The following PLPPR1 variants were observed in gnomAD, a reference collection of about 807,000 sequenced individuals.
PLPPR1 encodes phospholipid phosphatase-related protein type 1.
In PLPPR1, 10 loss-of-function variants were observed where a neutral mutation model predicts 33.1. The ratio of observed to expected loss-of-function variants is 0.30; its 90% CI spans 0.19 to 0.51. PLPPR1 has a LOEUF of 0.51. Among genes scored for constraint, PLPPR1 ranks in the 20% least tolerant of loss-of-function variants. The pLI is 0.97. For synonymous variants in PLPPR1, 151 were observed against 151.0 expected (o/e 1.00, Z 0.00); for missense variants, 304 against 408.1 (o/e 0.74, Z 2.20).
intron 1 of PLPPR1, among the ~76,000 whole-genome samples, chr9:101,030,500 A>T (rs1195547979): frequency 6.6e-6 from 1 of 151,686 alleles, no homozygotes; most frequent in Non-Finnish European, 1.5e-5. Context: ...GCATACTTAC[A>T]AATTAGTTGT....
At chr9:101,113,987 GATAA>G (rs1481667942) in intron 1 of PLPPR1, among the ~76,000 whole-genome samples, 1 of 152,104 alleles carries the variant, frequency 6.6e-6, no homozygotes, top group Non-Finnish European at 1.5e-5. Flanking sequence ...AGGAAGCACA[GATAA>G]GGAAGGAGGG....
intron 1 of PLPPR1, among the ~76,000 whole-genome samples, chr9:101,143,260 A>G (rs1831476944): frequency 6.6e-6 from 1 of 152,168 alleles, no homozygotes; most frequent in Non-Finnish European, 1.5e-5. Flanking sequence ...AATCATCTAG[A>G]GAGATTACCA....
chr9:101,253,386 A>G (rs1034240292), intron 2 of PLPPR1, among the ~76,000 whole-genome samples: 7 of 152,024 alleles, frequency 4.6e-5, no homozygotes, highest in African/African-American at 1.2e-4. Context: ...CATCTCTACT[A>G]AAAATACAAA....
chr9:101,065,160 T>C (rs1830396052), intron 1 of PLPPR1, among the ~76,000 whole-genome samples: 1 of 152,090 alleles, frequency 6.6e-6, no homozygotes, highest in African/African-American at 2.4e-5. Flanking sequence ...GGACTTATTA[T>C]TACCAGGCTT....
chr9:101,214,621 C>G (rs2118773226), intron 2 of PLPPR1, among the ~76,000 whole-genome samples: 1 of 152,312 alleles, frequency 6.6e-6, no homozygotes, highest in South Asian at 2.1e-4. Flanking sequence ...TTAATTCTAT[C>G]AGCATTATTC....
intron 1 of PLPPR1, among the ~76,000 whole-genome samples, chr9:101,126,977 T>C (rs1831253077): frequency 1.3e-5 from 2 of 152,132 alleles, no homozygotes; most frequent in Admixed American, 1.3e-4. Flanking sequence ...TTTATCCAAC[T>C]CCATAGTCCC....
chr9:101,150,240 T>G (rs1831564850), intron 1 of PLPPR1, among the ~76,000 whole-genome samples: 1 of 152,182 alleles, frequency 6.6e-6, no homozygotes, highest in Admixed American at 6.5e-5. Context: ...TTGAGATTTA[T>G]TTGTAGAATC....
At chr9:101,267,826 T>G (rs1246347285) in intron 2 of PLPPR1, among the ~76,000 whole-genome samples, 1 of 152,230 alleles carries the variant, frequency 6.6e-6, no homozygotes, top group Non-Finnish European at 1.5e-5. Context: ...TCTCCTCTTT[T>G]GATGCCTTTC....
At position 101,216,746 on chromosome 9, in the gene PLPPR1, G is replaced by A. The variant is rs1028116197; in HGVS notation, c.63+31189G>A. ...ATTTGGGGCCAGATAATTTTTTATT[G>A]TGGATGCTGTCCTGTGCATTGTAAC... On this transcript the variant is annotated intron_variant, in intron 2 of 7. Coordinates refer to ENST00000374874, the MANE Select transcript of PLPPR1 (RefSeq NM_207299.2). Among the ~76,000 whole-genome samples the A allele has an allele frequency of 3.9e-5, 6 of 152,118 alleles. No individual in the cohort carries two copies. In the East Asian group the frequency reaches 9.6e-4, roughly 24 times the overall value.
At chr9:101,200,501 G>A (rs1390771425) in intron 2 of PLPPR1, among the ~76,000 whole-genome samples, 2 of 152,230 alleles carry the variant, frequency 1.3e-5, no homozygotes, top group African/African-American at 2.4e-5. Context: ...AAAACTAGGT[G>A]ATACGATTTG....
chr9:101,217,284 TA>T (rs1826819008), intron 2 of PLPPR1, among the ~76,000 whole-genome samples: 2 of 152,148 alleles, frequency 1.3e-5, no homozygotes, highest in Admixed American at 1.3e-4. Flanking sequence ...ATGTCATAAT[TA>T]AAAAGGGAAA....
chr9:101,036,160 G>T (rs1172268124), intron 1 of PLPPR1, among the ~76,000 whole-genome samples: 1 of 152,114 alleles, frequency 6.6e-6, no homozygotes, highest in Non-Finnish European at 1.5e-5. Flanking sequence ...CAATGCAGGT[G>T]CCTCACTCAT....
chr9:101,094,729 C>G (rs566307727), intron 1 of PLPPR1, among the ~76,000 whole-genome samples: 1 of 152,292 alleles, frequency 6.6e-6, no homozygotes, highest in South Asian at 2.1e-4. Context: ...TGAATGCATA[C>G]AGCCAGGTGA....
intron 1 of PLPPR1, among the ~76,000 whole-genome samples, chr9:101,140,030 C>T (rs574244555): frequency 1.3e-4 from 20 of 152,260 alleles, no homozygotes; most frequent in African/African-American, 4.3e-4. Flanking sequence ...AATTGCCATT[C>T]GATGGAGTTA....
intron 1 of PLPPR1, among the ~76,000 whole-genome samples, chr9:101,127,427 A>C (rs997319133): frequency 1.3e-5 from 2 of 152,258 alleles, no homozygotes; most frequent in Non-Finnish European, 2.9e-5. Flanking sequence ...CTGGGAGCCC[A>C]TGCTATTTAT....
At chr9:101,111,525 G>A (rs1370992419) in intron 1 of PLPPR1, among the ~76,000 whole-genome samples, 1 of 152,128 alleles carries the variant, frequency 6.6e-6, no homozygotes, top group Non-Finnish European at 1.5e-5. Context: ...GTATTTTCCT[G>A]TTATACCTAT....
intron 3 of PLPPR1, 128 bp downstream of exon 3, chr9:101,270,196 C>A: frequency 2.2e-6 from 2 of 926,162 alleles, no homozygotes; most frequent in Non-Finnish European, 1.7e-6. Flanking sequence ...CCTATTTCAG[C>A]CAAAACAGAG....
intron 3 of PLPPR1, among the ~76,000 whole-genome samples, chr9:101,274,276 C>G (rs1828149902): frequency 6.6e-6 from 1 of 152,150 alleles, no homozygotes; most frequent in Non-Finnish European, 1.5e-5. Flanking sequence ...CCTAATTTAT[C>G]CTCAGAACAG....
chr9:101,148,356 AG>A (rs1280713983), intron 1 of PLPPR1, among the ~76,000 whole-genome samples: 1 of 152,142 alleles, frequency 6.6e-6, no homozygotes, highest in African/African-American at 2.4e-5. Context: ...TCCTGCAAAA[AG>A]CTCTTAAAGA....
Sources: gnomAD v4.1 joint callset for allele counts (sites outside exome capture counted in the v4.1 genomes callset) on GRCh38, gnomAD v4.1.1 for gene constraint, MANE v1.5 for transcripts, NCBI Gene and HGNC (gene_info 2026-07-23, HGNC 2026-07-21) for gene names.